The following GDI2 variants were observed in gnomAD, a reference collection of about 807,000 sequenced individuals.
GDI2 encodes GDP dissociation inhibitor 2.
Under a neutral mutation model 54.2 loss-of-function variants are expected in GDI2, and 22 were observed. That is an observed-to-expected ratio of 0.41 (90% confidence interval 0.29 to 0.58). The LOEUF (loss-of-function observed/expected upper bound fraction) is 0.58. Ranked by LOEUF, GDI2 falls within the 20% of genes least tolerant of loss-of-function variation. The pLI, the probability that GDI2 is intolerant of heterozygous loss-of-function variation, is 0.35. For synonymous variants in GDI2, 177 were observed against 182.1 expected, an observed-to-expected ratio of 0.97 and a Z score of 0.23; for missense variants, 422 against 546.0, an observed-to-expected ratio of 0.77 and a Z score of 2.26.
chr10:5,796,817 C>G lies in GDI2; in HGVS notation c.199G>C (p.Gly67Arg). 6.3e-7 allele frequency: 1 copy of G among 1,593,556 alleles called. No individual in the cohort carries two copies. The highest frequency in any genetic ancestry group is 8.6e-7 in the Non-Finnish European group (1 of 1,161,766). ...TCAACATTCCAGTCTCTTCCTCTCC[C>G]CATTGACTCGGGTGGTGATCCTGGT... ...KIPGSPPESM[G>R]RGRDWNVDLI... Residue 67 changes from glycine to arginine, a missense_variant, in exon 3 of 11, where the codon GGG (glycine) becomes CGG (arginine). Gly to Arg is a moderately radical substitution (Grantham distance 125). Coordinates refer to ENST00000380191, the MANE Select transcript of GDI2 (RefSeq NM_001494.4).
At chr10:5,797,976 A>G (rs1241175365) in intron 2 of GDI2, among the ~76,000 whole-genome samples, 3 of 152,350 alleles carry the variant, frequency 2.0e-5, no homozygotes, top group South Asian at 4.1e-4. Context: ...TAGTTCATTT[A>G]TAATTTTTGA....
intron 6 of GDI2, among the ~76,000 whole-genome samples, chr10:5,782,650 T>C (rs960620260): frequency 2.6e-5 from 4 of 152,080 alleles, no homozygotes; most frequent in African/African-American, 9.7e-5. Context: ...AAAAAAAGAA[T>C]TGGCCAGGCA....
At chr10:5,797,854 T>C (rs1444001103) in intron 2 of GDI2, among the ~76,000 whole-genome samples, 1 of 152,202 alleles carries the variant, frequency 6.6e-6, no homozygotes, top group African/African-American at 2.4e-5. Context: ...CTAAATTCAT[T>C]CTCTCCCAAA....
chr10:5,767,650 A>C (rs1020914778), intron 8 of GDI2, among the ~76,000 whole-genome samples: 4 of 152,176 alleles, frequency 2.6e-5, no homozygotes, highest in African/African-American at 7.2e-5. Context: ...TGTCCCATAA[A>C]GCCTGATTAC....
chr10:5,766,307 G>C lies in GDI2; in HGVS notation c.1137-12C>G, dbSNP rs377320688. On this transcript the variant is annotated splice_polypyrimidine_tract_variant and intron_variant, in intron 9 of 10. Coordinates refer to ENST00000380191, the MANE Select transcript of GDI2 (RefSeq NM_001494.4). The surrounding 1 kb of genome is among the most constrained non-coding windows in gnomAD (Gnocchi z 5.8). ...TGATGCTAACAAATCTGGAGGGAGA[G>C]AGAATTCAGTCAGGTGAGCTGGTCC... The C allele has an allele frequency of 6.2e-7, 1 of 1,609,202 alleles. No individual in the cohort carries two copies.
At chr10:5,804,950 C>T (rs1412768165) in intron 1 of GDI2, among the ~76,000 whole-genome samples, 6 of 151,830 alleles carry the variant, frequency 4.0e-5, no homozygotes, top group Admixed American at 6.6e-5. Context: ...TCTCCTGCCT[C>T]GGCCTCCCAA....
chr10:5,804,350 T>TC (rs1389521413), intron 1 of GDI2, among the ~76,000 whole-genome samples: 1 of 152,172 alleles, frequency 6.6e-6, no homozygotes, highest in Non-Finnish European at 1.5e-5. Context: ...CACCTTGGCC[T>TC]CCCAAAGTGC....
intron 6 of GDI2, among the ~76,000 whole-genome samples, chr10:5,778,275 A>C (rs1429554210): frequency 6.6e-6 from 1 of 152,238 alleles, no homozygotes; most frequent in Non-Finnish European, 1.5e-5. Context: ...AACTTAAAGT[A>C]TAATTTAAAA....
chr10:5,776,652 T>C lies in GDI2; in HGVS notation c.720-2711A>G. On this transcript the variant is annotated intron_variant, in intron 6 of 10. Transcript: ENST00000380191. This position sits in a 1 kb window ranked among gnomAD's most constrained non-coding sequence, Gnocchi z 5.3. ...GGTCCAATAGAAAAGGAGCTGGATG[T>C]AGATGCTGATTTTGTAGAAAAGTCA... 1 of 1,472,358 alleles carries C rather than the reference T, an allele frequency of 6.8e-7. No individual in the cohort carries two copies. The highest frequency in any genetic ancestry group is 9.5e-7 in the Non-Finnish European group (1 of 1,056,888). The allele number at this position is 1,472,358 out of a possible 1,614,324, so 91.2% of individuals were successfully genotyped here.
At chr10:5,807,321 C>T (rs1302980118) in intron 1 of GDI2, among the ~76,000 whole-genome samples, 2 of 152,150 alleles carry the variant, frequency 1.3e-5, no homozygotes, top group Non-Finnish European at 2.9e-5. Context: ...GATGAATACA[C>T]AATATTCACA....
At chr10:5,810,669 T>C (rs1313091878) in intron 1 of GDI2, among the ~76,000 whole-genome samples, 1 of 152,234 alleles carries the variant, frequency 6.6e-6, no homozygotes. Flanking sequence ...ATTATGTTTC[T>C]TAGTTTGTTA....
chr10:5,778,880 A>G (rs1840686945), intron 6 of GDI2, among the ~76,000 whole-genome samples: 3 of 152,232 alleles, frequency 2.0e-5, no homozygotes, highest in Non-Finnish European at 4.4e-5. Flanking sequence ...AAAAAAATGT[A>G]ACTGCCTACT....
At chr10:5,792,593 A>G (rs781656635) in intron 4 of GDI2, among the ~76,000 whole-genome samples, 17 of 152,134 alleles carry the variant, frequency 1.1e-4, no homozygotes, top group Non-Finnish European at 2.4e-4. Context: ...AAAATGCATA[A>G]AAGTGTTTAC....
At chr10:5,799,400 C>A (rs1195802168) in intron 2 of GDI2, among the ~76,000 whole-genome samples, 2 of 152,108 alleles carry the variant, frequency 1.3e-5, no homozygotes, top group African/African-American at 4.8e-5. Context: ...GCCTGTAATC[C>A]CAGCAGTTTG....
At chr10:5,805,114 G>T (rs191569078) in intron 1 of GDI2, among the ~76,000 whole-genome samples, 84 of 152,174 alleles carry the variant, frequency 5.5e-4, no homozygotes, top group Non-Finnish European at 2.5e-4. Context: ...TTACAGGGGT[G>T]AGCCATGGCA....
In GDI2 at chr10:5,794,919, C is replaced by T. The variant is rs1841113445; in HGVS notation, c.354G>A (p.Lys118=). 6.2e-7 allele frequency: 1 copy of T among 1,606,948 alleles called. No homozygotes were observed. Among genetic ancestry groups the T allele is most frequent in the Non-Finnish European group, 8.5e-7 (1 of 1,173,642 alleles). The stretch of plus-strand genomic sequence containing the variant: ...GGGCTTCTGCTTCAGTGGAAGGAAC[C>T]TTGTAGATTTTTCCACCCTTATAGA... ...SFVYKGGKIY[K]VPSTEAEALA... The change falls in exon 4 of 11, where the codon AAG becomes AAA. Residue 118 remains lysine (K), a synonymous_variant. Coordinates refer to ENST00000380191, the MANE Select transcript of GDI2 (RefSeq NM_001494.4).
rs1840447600 is a variant in GDI2, at chr10:5,769,948, TA to T, written c.820-1565del. Among the ~76,000 whole-genome samples the T allele has an allele frequency of 2.6e-5, 4 of 152,330 alleles. No individual in the cohort carries two copies. The South Asian group carries it at 8.3e-4, about 32-fold the overall frequency. On this transcript the variant is annotated intron_variant, in intron 7 of 10. Coordinates refer to ENST00000380191, the MANE Select transcript of GDI2 (RefSeq NM_001494.4). The stretch of plus-strand genomic sequence containing the variant: ...TGTACACCCATTTTCAGAGTAGCAT[TA>T]TTCACAATACATTCACAAAAACATG...
intron 6 of GDI2, among the ~76,000 whole-genome samples, chr10:5,783,464 T>C (rs1840806287): frequency 6.6e-6 from 1 of 152,198 alleles, no homozygotes; most frequent in Non-Finnish European, 1.5e-5. Context: ...GTATTGAGAT[T>C]TGAGGTACTA....
At chr10:5,810,999 CT>C (rs1210493102) in intron 1 of GDI2, among the ~76,000 whole-genome samples, 1 of 152,026 alleles carries the variant, frequency 6.6e-6, no homozygotes, top group Non-Finnish European at 1.5e-5. Flanking sequence ...TTTTTAGGTT[CT>C]TAAGTCTCAG....
Sources: allele counts gnomAD v4.1 joint callset (sites outside exome capture counted in the v4.1 genomes callset), GRCh38; gene constraint gnomAD v4.1.1; non-coding constraint Gnocchi (gnomAD v3.1); transcripts MANE v1.5; gene names NCBI Gene and HGNC (gene_info 2026-07-23, HGNC 2026-07-21).